Variants in SLCO1B1 observed in about 807,000 individuals in gnomAD.
SLCO1B1 encodes the protein OATP-2.
A neutral mutation model predicts 70.1 loss-of-function variants in SLCO1B1; 81 were observed. That is an observed-to-expected ratio of 1.16 (90% CI 0.97 to 1.39). SLCO1B1 has a LOEUF of 1.39. Among genes scored for constraint, SLCO1B1 ranks in the 40% most tolerant of loss-of-function variants. SLCO1B1 has a pLI of 0.00. For synonymous variants in SLCO1B1, 283 were observed against 271.5 expected (o/e 1.04, Z -0.42); for missense variants, 895 against 799.6 (o/e 1.12, Z -1.44).
chr12:21,166,806 A>G (rs1940692007), intron 2 of SLCO1B1, among the ~76,000 whole-genome samples: 1 of 152,210 alleles, frequency 6.6e-6, no homozygotes, highest in Non-Finnish European at 1.5e-5. Flanking sequence ...AATAAGTATC[A>G]AGTGGAAAGC....
chr12:21,168,063 C>T (rs777614325), intron 2 of SLCO1B1, among the ~76,000 whole-genome samples: 32 of 151,648 alleles, frequency 2.1e-4, no homozygotes, highest in Non-Finnish European at 3.7e-4. Context: ...CCTCGTGATC[C>T]GCCCACCTTG....
chr12:21,150,678 A>T (rs1940459610), intron 2 of SLCO1B1, among the ~76,000 whole-genome samples: 1 of 152,036 alleles, frequency 6.6e-6, no homozygotes, highest in East Asian at 1.9e-4. Flanking sequence ...CCACACAAAA[A>T]CCCCATCTGA....
At chr12:21,187,083 G>GA (rs1940971030) in intron 7 of SLCO1B1, among the ~76,000 whole-genome samples, 1 of 152,122 alleles carries the variant, frequency 6.6e-6, no homozygotes, top group African/African-American at 2.4e-5. Flanking sequence ...TAATGCAGAT[G>GA]AAAGTGTCCT....
chr12:21,206,017 G>A lies in SLCO1B1; in HGVS notation c.1481G>A (p.Gly494Asp). 1.2e-6 allele frequency: 2 copies of A among 1,611,638 alleles called. No homozygotes were observed. Among genetic ancestry groups the A allele is most frequent in the Non-Finnish European group, 1.7e-6 (2 of 1,178,272 alleles). ...PCLAGCKSSS[G>D]NKKPIVFYNC... ...CTAGCAGGTTGCAAATCTTCAAGTG[G>A]CAATAAAAAGCCTATAGTGAGTATT... is the stretch of plus-strand genomic sequence containing the variant. The change falls in exon 11 of 15, where the codon GGC (glycine) becomes GAC (aspartate). Residue 494 changes from glycine to aspartate, a missense_variant. Coordinates refer to ENST00000256958, the MANE Select transcript of SLCO1B1 (RefSeq NM_006446.5).
intron 1 of SLCO1B1, among the ~76,000 whole-genome samples, chr12:21,139,244 A>T (rs1202800656): frequency 6.6e-6 from 1 of 152,142 alleles, no homozygotes; most frequent in African/African-American, 2.4e-5. Context: ...ATAGAAACAG[A>T]TATTCATGGA....
At chr12:21,155,922 T>A (rs1940537461) in intron 2 of SLCO1B1, among the ~76,000 whole-genome samples, 1 of 152,164 alleles carries the variant, frequency 6.6e-6, no homozygotes, top group African/African-American at 2.4e-5. Flanking sequence ...CTGATTTTAC[T>A]CTGGAGGACA....
intron 2 of SLCO1B1, among the ~76,000 whole-genome samples, chr12:21,169,251 C>T (rs1057323551): frequency 4.6e-5 from 7 of 152,004 alleles, no homozygotes; most frequent in Admixed American, 3.9e-4. Context: ...TTTGGAATTA[C>T]TTGAGCTTCT....
rs4149056 is a variant in SLCO1B1 at position 21,178,615 on chromosome 12, T to C, written c.521T>C (p.Val174Ala). 0.14 allele frequency: 228,311 copies of C among 1,604,544 alleles called. 17,896 individuals carry two copies. Among genetic ancestry groups the C allele is most frequent in the Middle Eastern group, 0.21 (1,237 of 6,024 alleles). ...TCTGGGTCATACATGTGGATATATGTGTTCATGGGTAATATGCTTCGTGGA... is the reference window on the plus strand; with the variant it reads ...TCTGGGTCATACATGTGGATATATGCGTTCATGGGTAATATGCTTCGTGGA... ...KESGSYMWIY[V>A]FMGNMLRGIG... The change falls in exon 6 of 15, where the codon GTG becomes GCG. Residue 174 changes from valine to alanine, a missense_variant. Physicochemically the swap from Val to Ala is moderately conservative, Grantham distance 64. Transcript: ENST00000256958.
In SLCO1B1 at chr12:21,142,132, C is replaced by T. The variant is rs112648715; in HGVS notation, c.84+474C>T. Among the ~76,000 whole-genome samples the T allele has an allele frequency of 1.2e-3, 176 of 150,330 alleles. 2 individuals are homozygous for T. Among genetic ancestry groups the T allele is most frequent in the Non-Finnish European group, 8.4e-4 (57 of 67,566 alleles). On this transcript the variant is annotated intron_variant, in intron 2 of 14. Transcript: ENST00000256958. ...TGATAAGTAATTTAGGCTCATGGAA[C>T]GGAGGTCTATGATAGTCAAAAACTT...
In SLCO1B1 at chr12:21,214,924, A is replaced by G. The variant is rs920205051; in HGVS notation, c.1498-2195A>G. ...GCAATGCCTCGCCCTGCTTCGGCTCACGCACGGTGCGCGCACCCACTGACC... is the reference window on the plus strand; with the variant it reads ...GCAATGCCTCGCCCTGCTTCGGCTCGCGCACGGTGCGCGCACCCACTGACC... On this transcript the variant is annotated intron_variant, in intron 11 of 14. Transcript: ENST00000256958. 4.4e-4 allele frequency among the ~76,000 whole-genome samples: 66 copies of G among 151,468 alleles called. 1 individual carries two copies. The highest frequency in any genetic ancestry group is 6.2e-4 in the Non-Finnish European group (42 of 67,860).
intron 2 of SLCO1B1, chr12:21,164,725 T>G: frequency 2.3e-6 from 1 of 440,482 alleles, no homozygotes; most frequent in Non-Finnish European, 4.5e-6. Context: ...TATTTTGTTT[T>G]AAGTATTTTG....
intron 14 of SLCO1B1, among the ~76,000 whole-genome samples, chr12:21,229,872 T>G (rs897231556): frequency 2.0e-5 from 3 of 152,224 alleles, no homozygotes; most frequent in Non-Finnish European, 4.4e-5. Flanking sequence ...TTTTAAAAAT[T>G]ACATTAATTA....
intron 2 of SLCO1B1, among the ~76,000 whole-genome samples, chr12:21,144,337 A>G (rs1461687229): frequency 6.6e-6 from 1 of 152,116 alleles, no homozygotes; most frequent in African/African-American, 2.4e-5. Context: ...TTTGAAGATT[A>G]CCCCTTTGAA....
rs1253441088 is a variant in SLCO1B1, at chr12:21,132,087, T to C, written c.-62+851T>C. ...CACCTATGAGTGAGAACATGCGGTG[T>C]TTGGTTTTTTGTCCTTGCGATAGTT... On this transcript the variant is annotated intron_variant, in intron 1 of 14. Coordinates refer to ENST00000256958, the MANE Select transcript of SLCO1B1 (RefSeq NM_006446.5). 2.6e-5 allele frequency among the ~76,000 whole-genome samples: 4 copies of C among 152,164 alleles called. No individual in the cohort carries two copies. The South Asian group carries it at 8.3e-4, about 32-fold the overall frequency.
intron 2 of SLCO1B1, among the ~76,000 whole-genome samples, chr12:21,157,031 T>G (rs1940552331): frequency 6.6e-6 from 1 of 152,204 alleles, no homozygotes; most frequent in African/African-American, 2.4e-5. Context: ...ACGAACATAA[T>G]TTCTTTTGAA....
chr12:21,131,527 A>T (rs1025500467), intron 1 of SLCO1B1, among the ~76,000 whole-genome samples: 6 of 152,106 alleles, frequency 3.9e-5, no homozygotes, highest in African/African-American at 1.2e-4. Flanking sequence ...TCAAGTCTCA[A>T]AAATGAAGCT....
intron 7 of SLCO1B1, among the ~76,000 whole-genome samples, chr12:21,195,644 C>T (rs572203234): frequency 6.6e-6 from 1 of 152,160 alleles, no homozygotes; most frequent in South Asian, 2.1e-4. Context: ...GGTTTGTGGT[C>T]GAAATATTTC....
chr12:21,172,249 G>A lies in SLCO1B1; in HGVS notation c.85-401G>A, dbSNP rs59345490. Among the ~76,000 whole-genome samples the A allele has an allele frequency of 8.1e-3, 1,239 of 152,188 alleles. 20 individuals carry two copies. Among genetic ancestry groups the A allele is most frequent in the African/African-American group, 0.028 (1,182 of 41,556 alleles). On this transcript the variant is annotated intron_variant, in intron 2 of 14. Coordinates refer to ENST00000256958, the MANE Select transcript of SLCO1B1 (RefSeq NM_006446.5). ...AGTTCTGTTTTTCAGCTGGCTTCCT[G>A]GAAATGCTGCCTTTGAGAATGTACT...
rs567022082 is a variant in SLCO1B1 at position 21,230,794 on chromosome 12, A to G, written c.1865+5955A>G. ...CTTAAGTGTTTGATAGAATTCACCA[A>G]TGAACCTATCTTAATTTGATGCTTT... On this transcript the variant is annotated intron_variant, in intron 14 of 14. Transcript: ENST00000256958. Among the ~76,000 whole-genome samples the G allele has an allele frequency of 3.9e-5, 6 of 152,274 alleles. No individual in the cohort carries two copies. The East Asian group carries it at 1.2e-3, about 29-fold the overall frequency.
Sources: gnomAD v4.1 joint callset for allele counts (sites outside exome capture counted in the v4.1 genomes callset) on GRCh38, gnomAD v4.1.1 for gene constraint, MANE v1.5 for transcripts, NCBI Gene and HGNC (gene_info 2026-07-23, HGNC 2026-07-21) for gene names.